Variants in RAB6A observed in about 807,000 individuals in gnomAD.
The protein encoded by RAB6A is RAB6A, member RAS oncogene family.
A neutral mutation model predicts 32.3 loss-of-function variants in RAB6A; 8 were observed. That is an observed-to-expected ratio of 0.25 (90% confidence interval 0.15 to 0.45). The LOEUF (loss-of-function observed/expected upper bound fraction) is 0.45. Ranked by LOEUF, RAB6A falls within the 20% of genes least tolerant of loss-of-function variation. The pLI is 1.00. For synonymous variants in RAB6A, 73 were observed against 82.1 expected (o/e 0.89, Z 0.60); for missense variants, 104 against 249.4 (o/e 0.42, Z 3.93).
chr11:73,734,416 G>A lies in RAB6A; in HGVS notation c.71-3593C>T, dbSNP rs376814513. 1.3e-4 allele frequency among the ~76,000 whole-genome samples: 20 copies of A among 152,124 alleles called. No homozygotes were observed. The South Asian group carries it at 2.5e-3, about 19-fold the overall frequency. On this transcript the variant is annotated intron_variant, in intron 1 of 7. Transcript: ENST00000336083. ...GCTGGGATTACAGGCTTCAGCCACC[G>A]CACCTGGCCAGTTTATCCAGTTTAA...
chr11:73,679,977 A>G (rs1054582032), intron 6 of RAB6A, among the ~76,000 whole-genome samples: 2 of 152,134 alleles, frequency 1.3e-5, no homozygotes, highest in African/African-American at 4.8e-5. Context: ...ACACGCCTAT[A>G]GTCCTAGGTA....
intron 1 of RAB6A, among the ~76,000 whole-genome samples, chr11:73,756,291 G>A (rs1313619981): frequency 1.3e-5 from 2 of 152,054 alleles, no homozygotes; most frequent in Admixed American, 6.6e-5. Context: ...GAGGTGGAGG[G>A]TGCAGTGAGC....
Position 73,748,891 on chromosome 11 carries a change from G to A in RAB6A, c.70+11675C>T, listed in dbSNP as rs144134783. ...TGTAATTCCAACACTTTGGAAGGCC[G>A]AGGTGGGCAGATCAATTGAGGTAAG... On this transcript the variant is annotated intron_variant, in intron 1 of 7. Coordinates refer to ENST00000336083, the MANE Select transcript of RAB6A (RefSeq NM_198896.2). Among the ~76,000 whole-genome samples, 1,388 of 152,210 alleles carry A rather than the reference G, an allele frequency of 9.1e-3. 21 individuals carry two copies. The highest frequency in any genetic ancestry group is 0.032 in the African/African-American group (1,322 of 41,524).
chr11:73,760,050 T>C (rs1454236832), intron 1 of RAB6A: 12 of 1,289,356 alleles, frequency 9.3e-6, no homozygotes, highest in Middle Eastern at 2.1e-4. Context: ...CTTCCCACCT[T>C]CCACGACATC....
intron 1 of RAB6A, chr11:73,760,133 G>A (rs1364500765): frequency 2.3e-6 from 3 of 1,292,592 alleles, no homozygotes; most frequent in Admixed American, 2.3e-5. Flanking sequence ...GGTTGAAGAG[G>A]GCCCGCTCTC....
intron 2 of RAB6A, chr11:73,729,550 C>T: frequency 6.6e-6 from 1 of 152,002 alleles, no homozygotes. Flanking sequence ...TGATTTCCTC[C>T]ATTGTTTTTC....
intron 2 of RAB6A, among the ~76,000 whole-genome samples, chr11:73,727,945 T>A (rs1005459934): frequency 1.3e-5 from 2 of 152,218 alleles, no homozygotes; most frequent in Admixed American, 6.5e-5. Context: ...ATAAAATGGA[T>A]AAGTAAATTA....
At chr11:73,739,282 A>ATACATATATATATATATATATAT (rs1289309364) in intron 1 of RAB6A, among the ~76,000 whole-genome samples, 1 of 15,346 alleles carries the variant, frequency 6.5e-5, no homozygotes, top group African/African-American at 1.4e-4. Flanking sequence ...AAAAAAAAAA[A>ATACATATATATATATATATATAT]AAATATATAT....
chr11:73,712,950 T>C (rs578053727), intron 5 of RAB6A, among the ~76,000 whole-genome samples: 1 of 152,276 alleles, frequency 6.6e-6, no homozygotes, highest in East Asian at 1.9e-4. Flanking sequence ...ACTCCTGGCA[T>C]CAAGTGATCT....
intron 6 of RAB6A, among the ~76,000 whole-genome samples, chr11:73,705,569 A>G (rs1010316852): frequency 1.3e-5 from 2 of 152,112 alleles, no homozygotes; most frequent in South Asian, 2.1e-4. Flanking sequence ...AAATAAATAT[A>G]AGAGAAAATA....
At chr11:73,716,626 A>G (rs1464470813) in intron 4 of RAB6A, among the ~76,000 whole-genome samples, 1 of 151,294 alleles carries the variant, frequency 6.6e-6, no homozygotes, top group African/African-American at 2.4e-5. Context: ...ACAATGTAGT[A>G]TTTAATTGAA....
At position 73,739,261 on chromosome 11, in the gene RAB6A, A is replaced by AT. The variant is rs1482879965; in HGVS notation, c.71-8439dup. The stretch of plus-strand genomic sequence containing the variant: ...CTGCAAAAAAAAAATAGTAATAATA[A>AT]TTAAAAAAAAAAAAAAAAAAAAAAT... On this transcript the variant is annotated intron_variant, in intron 1 of 7. Transcript: ENST00000336083. 3.9e-3 allele frequency among the ~76,000 whole-genome samples: 167 copies of AT among 42,764 alleles called. 1 individual carries two copies. Among genetic ancestry groups the AT allele is most frequent in the African/African-American group, 6.6e-3 (68 of 10,308 alleles). The allele number at this position is 42,764 out of a possible 152,430, so 28.1% of individuals were successfully genotyped here. A position where few individuals can be genotyped will look rare whatever the true frequency, so the allele number is the denominator to read the frequency against.
intron 6 of RAB6A, among the ~76,000 whole-genome samples, chr11:73,690,635 T>C (rs1590827947): frequency 1.4e-5 from 2 of 143,964 alleles, no homozygotes; most frequent in Non-Finnish European, 3.0e-5. Flanking sequence ...AAGTTACAGA[T>C]GTGGAGAGAA....
intron 6 of RAB6A, among the ~76,000 whole-genome samples, chr11:73,698,120 C>T (rs1278947186): frequency 2.0e-5 from 3 of 152,104 alleles, no homozygotes; most frequent in African/African-American, 7.2e-5. Context: ...ATTCAGTAGG[C>T]TGAGGTAGGA....
At chr11:73,725,745 G>A (rs1282590492) in intron 2 of RAB6A, among the ~76,000 whole-genome samples, 2 of 152,186 alleles carry the variant, frequency 1.3e-5, no homozygotes, top group African/African-American at 4.8e-5. Context: ...TGAGATTTGG[G>A]TGGGGACATA....
chr11:73,701,660 G>T (rs899868526), intron 6 of RAB6A, among the ~76,000 whole-genome samples: 6 of 145,822 alleles, frequency 4.1e-5, no homozygotes, highest in African/African-American at 1.7e-4. Context: ...CGTGTTTTTT[G>T]TTTTTTATTT....
chr11:73,725,931 T>C (rs371783487), intron 2 of RAB6A, among the ~76,000 whole-genome samples: 3 of 152,012 alleles, frequency 2.0e-5, no homozygotes, highest in East Asian at 1.9e-4. Flanking sequence ...GGCAGCCGGA[T>C]TGCTTGAGCT....
At chr11:73,733,365 A>G (rs1946346617) in intron 1 of RAB6A, among the ~76,000 whole-genome samples, 1 of 152,188 alleles carries the variant, frequency 6.6e-6, no homozygotes, top group East Asian at 1.9e-4. Flanking sequence ...CCTGGCCAAC[A>G]TGGCAAAACC....
Position 73,760,728 on chromosome 11 carries a change from C to G in RAB6A, c.-93G>C. On this transcript the variant is annotated 5_prime_UTR_variant, in exon 1 of 8. Coordinates refer to ENST00000336083, the MANE Select transcript of RAB6A (RefSeq NM_198896.2). Reference sequence around the variant, plus strand: ...CTGACGAAAAAGGCGAGCGGAAGGGCGGGCACCGAGCTCTCTCGGCCCCTG... The same window carrying G: ...CTGACGAAAAAGGCGAGCGGAAGGGGGGGCACCGAGCTCTCTCGGCCCCTG... The G allele has an allele frequency of 2.6e-6, 4 of 1,524,428 alleles. No individual in the cohort carries two copies. Among genetic ancestry groups the G allele is most frequent in the Non-Finnish European group, 3.5e-6 (4 of 1,127,070 alleles). The allele number at this position is 1,524,428 out of a possible 1,614,324, so 94.4% of individuals were successfully genotyped here. A position where few individuals can be genotyped will look rare whatever the true frequency, so the allele number is the denominator to read the frequency against.
Sources: allele counts gnomAD v4.1 joint callset (sites outside exome capture counted in the v4.1 genomes callset), GRCh38; gene constraint gnomAD v4.1.1; transcripts MANE v1.5; gene names NCBI Gene and HGNC (gene_info 2026-07-23, HGNC 2026-07-21).